The following RORA variants were observed in gnomAD, a reference collection of about 807,000 sequenced individuals.
RORA encodes nuclear receptor ROR-alpha.
Under a neutral mutation model 69.5 loss-of-function variants are expected in RORA, and 7 were observed. That is an observed-to-expected ratio of 0.10 (90% CI 0.06 to 0.19). The LOEUF (loss-of-function observed/expected upper bound fraction) is 0.19. Among genes scored for constraint, RORA ranks in the 10% least tolerant of loss-of-function variants. The pLI is 1.00. For synonymous variants in RORA, 261 were observed against 240.8 expected, an observed-to-expected ratio of 1.08 and a Z score of -0.78; for missense variants, 457 against 663.0, an observed-to-expected ratio of 0.69 and a Z score of 3.41.
intron 1 of RORA, among the ~76,000 whole-genome samples, chr15:60,973,573 A>T (rs1055398113): frequency 3.3e-5 from 5 of 152,334 alleles, no homozygotes; most frequent in African/African-American, 1.2e-4. Flanking sequence ...TCTACTAAAA[A>T]TGTTCACTCT....
chr15:60,782,673 A>G (rs1567189115), intron 1 of RORA, among the ~76,000 whole-genome samples: 1 of 152,206 alleles, frequency 6.6e-6, no homozygotes, highest in Non-Finnish European at 1.5e-5. Context: ...TTTCCCGAAG[A>G]CAACCCCTCT....
chr15:60,940,881 C>T (rs528976598), intron 1 of RORA, among the ~76,000 whole-genome samples: 8 of 152,194 alleles, frequency 5.3e-5, no homozygotes, highest in Admixed American at 3.3e-4. Context: ...GAGCCAAGAT[C>T]GCACCACCGC....
chr15:60,602,173 C>G (rs1001958666), intron 2 of RORA, among the ~76,000 whole-genome samples: 1 of 152,074 alleles, frequency 6.6e-6, no homozygotes, highest in African/African-American at 2.4e-5. Flanking sequence ...GGTAATGTAG[C>G]AAAGCCATTA....
chr15:61,129,748 G>A (rs576992805), intron 1 of RORA, among the ~76,000 whole-genome samples: 14 of 152,280 alleles, frequency 9.2e-5, no homozygotes, highest in Admixed American at 3.3e-4. Context: ...AAAAAGAGAA[G>A]GACAATGCTT....
intron 2 of RORA, among the ~76,000 whole-genome samples, chr15:60,607,968 C>G (rs1186633006): frequency 6.6e-6 from 1 of 152,218 alleles, no homozygotes; most frequent in African/African-American, 2.4e-5. Flanking sequence ...ATACCTTTTT[C>G]TTGGCTGCAA....
chr15:60,819,746 GACACACAC>G (rs59044853), intron 1 of RORA, among the ~76,000 whole-genome samples: 3,379 of 119,266 alleles, frequency 0.028, 68 homozygotes, highest in East Asian at 0.058. Flanking sequence ...GTCAAACCCA[GACACACAC>G]ACACACACAC....
At chr15:60,576,795 A>C (rs2068039115) in intron 2 of RORA, among the ~76,000 whole-genome samples, 1 of 152,182 alleles carries the variant, frequency 6.6e-6, no homozygotes, top group Non-Finnish European at 1.5e-5. Flanking sequence ...CCATCTCTAC[A>C]CACAGTGATA....
chr15:60,955,872 C>T (rs1031973087), intron 1 of RORA, among the ~76,000 whole-genome samples: 3 of 152,146 alleles, frequency 2.0e-5, no homozygotes, highest in Non-Finnish European at 2.9e-5. Flanking sequence ...GAGAAAAGGA[C>T]ACTTTATAGA....
chr15:60,875,681 C>T lies in RORA; in HGVS notation c.167-196995G>A, dbSNP rs1403400363. On this transcript the variant is annotated intron_variant, in intron 1 of 10. Coordinates refer to ENST00000335670, the MANE Select transcript of RORA (RefSeq NM_134261.3). ...AATCTTTCTGTTAGAAATGCGTCTG[C>T]TGTTGTCTCACCAGTATGTCCAACG... Among the ~76,000 whole-genome samples the T allele has an allele frequency of 3.3e-5, 5 of 152,150 alleles. 1 individual carries two copies. The East Asian group carries it at 9.6e-4, about 29-fold the overall frequency.
chr15:61,174,410 G>T (rs2079610298), intron 1 of RORA, among the ~76,000 whole-genome samples: 1 of 152,160 alleles, frequency 6.6e-6, no homozygotes, highest in Non-Finnish European at 1.5e-5. Flanking sequence ...TCTTAATAAG[G>T]ATCAGCAGAT....
At chr15:60,706,178 G>A (rs1304812276) in intron 1 of RORA, 2 of 152,232 alleles carry the variant, frequency 1.3e-5, no homozygotes, top group Non-Finnish European at 2.9e-5. Context: ...TCCACCAGCT[G>A]GGCTCATGTA....
chr15:61,055,839 G>A (rs751955885), intron 1 of RORA, among the ~76,000 whole-genome samples: 22 of 152,144 alleles, frequency 1.4e-4, no homozygotes, highest in Non-Finnish European at 4.4e-5. Context: ...AATAATTAAC[G>A]TCATGACACT....
At chr15:60,902,884 C>T (rs1891430782) in intron 1 of RORA, among the ~76,000 whole-genome samples, 1 of 152,212 alleles carries the variant, frequency 6.6e-6, no homozygotes, top group Non-Finnish European at 1.5e-5. Flanking sequence ...TGCTCTGAAT[C>T]TAGGGGCGTA....
At chr15:61,101,750 G>C (rs1466164469) in intron 1 of RORA, among the ~76,000 whole-genome samples, 7 of 152,080 alleles carry the variant, frequency 4.6e-5, no homozygotes, top group African/African-American at 1.7e-4. Context: ...TGCTGTGTGT[G>C]GTGGAGGAAA....
At chr15:60,625,122 A>G (rs1125683) in intron 2 of RORA, among the ~76,000 whole-genome samples, 76,908 of 151,872 alleles carry the variant, frequency 0.51, 19,725 homozygotes, top group African/African-American at 0.6. Context: ...TTTTCAACCA[A>G]GCTCCAATGG....
At chr15:60,815,958 T>C (rs1272350932) in intron 1 of RORA, among the ~76,000 whole-genome samples, 4 of 147,044 alleles carry the variant, frequency 2.7e-5, no homozygotes, top group South Asian at 4.2e-4. Flanking sequence ...ATACTATAAA[T>C]AGTATATGTA....
chr15:61,120,438 G>A (rs929814723), intron 1 of RORA, among the ~76,000 whole-genome samples: 1 of 152,022 alleles, frequency 6.6e-6, no homozygotes, highest in Non-Finnish European at 1.5e-5. Context: ...GGTGGCTCAC[G>A]CCTGTAATCC....
Position 61,150,145 on chromosome 15 carries a change from A to G in RORA, c.166+78908T>C, listed in dbSNP as rs1418221698. ...AAATTAACTCCCAAGCTTATATAGT[A>G]TCTTCAACAGCCTGTGGTTCTGTGT... On this transcript the variant is annotated intron_variant, in intron 1 of 10. Coordinates refer to ENST00000335670, the MANE Select transcript of RORA (RefSeq NM_134261.3). Among the ~76,000 whole-genome samples, 3 of 152,250 alleles carry G rather than the reference A, an allele frequency of 2.0e-5. No homozygotes were observed. In the East Asian group the frequency reaches 5.8e-4, roughly 29 times the overall value.
At chr15:61,123,928 G>A (rs560134869) in intron 1 of RORA, among the ~76,000 whole-genome samples, 6 of 152,288 alleles carry the variant, frequency 3.9e-5, no homozygotes, top group African/African-American at 9.6e-5. Flanking sequence ...TGAGAACACC[G>A]GAGCAATTCA....
Sources: allele counts gnomAD v4.1 joint callset (sites outside exome capture counted in the v4.1 genomes callset), GRCh38; gene constraint gnomAD v4.1.1; transcripts MANE v1.5; gene names NCBI Gene and HGNC (gene_info 2026-07-23, HGNC 2026-07-21).